SLC24A4: variants seen among roughly 807,000 people sequenced by gnomAD.
The protein encoded by SLC24A4 is solute carrier family 24 member 4.
In SLC24A4, 53 loss-of-function variants were observed where a neutral mutation model predicts 79.0. The ratio of observed to expected loss-of-function variants is 0.67; its 90% CI spans 0.54 to 0.84. The LOEUF is 0.84. SLC24A4 is among the 40% of genes least tolerant of loss of function. The pLI is 0.00. For synonymous variants in SLC24A4, 323 were observed against 323.8 expected, an observed-to-expected ratio of 1.00 and a Z score of 0.03; for missense variants, 731 against 822.0, an observed-to-expected ratio of 0.89 and a Z score of 1.35.
intron 2 of SLC24A4, among the ~76,000 whole-genome samples, chr14:92,431,319 G>T (rs1566761240): frequency 1.3e-5 from 2 of 152,186 alleles, no homozygotes; most frequent in African/African-American, 2.4e-5. Flanking sequence ...GAGGGAACAG[G>T]CCCCGAGGTG....
intron 2 of SLC24A4, among the ~76,000 whole-genome samples, chr14:92,374,212 T>G (rs1888369522): frequency 6.6e-6 from 1 of 152,210 alleles, no homozygotes; most frequent in Admixed American, 6.5e-5. Context: ...ATGATTTTTG[T>G]GACTGTTACC....
At chr14:92,373,209 C>CAT (rs1463037591) in intron 2 of SLC24A4, among the ~76,000 whole-genome samples, 776 of 24,210 alleles carry the variant, frequency 0.032, 8 homozygotes, top group African/African-American at 0.055. Context: ...CACACACACA[C>CAT]ACATATATAT....
intron 2 of SLC24A4, among the ~76,000 whole-genome samples, chr14:92,395,769 G>A (rs1595214549): frequency 6.6e-6 from 1 of 151,898 alleles, no homozygotes; most frequent in Non-Finnish European, 1.5e-5. Flanking sequence ...ATGCTTTAGG[G>A]GTGTATACCT....
At chr14:92,324,029 T>C (rs1378049322) in intron 1 of SLC24A4, 69 bp downstream of exon 1, 3 of 1,547,496 alleles carry the variant, frequency 1.9e-6, no homozygotes, top group Non-Finnish European at 2.6e-6. Flanking sequence ...TCGGGGCGGC[T>C]GCGAGATGTT....
chr14:92,484,154 C>A (rs973520572), intron 13 of SLC24A4: 1 of 985,294 alleles, frequency 1.0e-6, no homozygotes, highest in South Asian at 4.7e-5. Flanking sequence ...CTCTTCCCTC[C>A]CCCCAACCCA....
intron 12 of SLC24A4, among the ~76,000 whole-genome samples, chr14:92,478,702 C>T (rs575394613): frequency 6.8e-6 from 1 of 146,192 alleles, no homozygotes; most frequent in South Asian, 2.1e-4. Flanking sequence ...CTTATATTTT[C>T]ATATGAATTT....
At chr14:92,455,901 A>G (rs947498550) in intron 11 of SLC24A4, among the ~76,000 whole-genome samples, 1 of 152,160 alleles carries the variant, frequency 6.6e-6, no homozygotes, top group African/African-American at 2.4e-5. Flanking sequence ...GGGTTTCACC[A>G]TGTTGGCCAG....
In SLC24A4 at chr14:92,490,899, C is replaced by T. The variant is rs1170481785; in HGVS notation, c.1538-766C>T. Among the ~76,000 whole-genome samples, 1 of 152,226 alleles carries T rather than the reference C, an allele frequency of 6.6e-6. No individual in the cohort carries two copies. The highest frequency in any genetic ancestry group is 1.5e-5 in the Non-Finnish European group (1 of 68,040). ...CCAGAAGCCTGAAGGAGAGTCTGTC[C>T]CAGGCCCCTCTTGCCTCTCTGCCCT... On this transcript the variant is annotated intron_variant, in intron 14 of 16. Transcript: ENST00000532405. This position sits in a 1 kb window ranked among gnomAD's most constrained non-coding sequence, Gnocchi z 4.3.
chr14:92,493,260 T>G (rs1250673726), intron 16 of SLC24A4, among the ~76,000 whole-genome samples: 1 of 152,080 alleles, frequency 6.6e-6, no homozygotes, highest in Non-Finnish European at 1.5e-5. Flanking sequence ...CCTGAGTCAA[T>G]GCGGCTAGGA....
At chr14:92,419,158 A>G (rs926081852) in intron 2 of SLC24A4, among the ~76,000 whole-genome samples, 7 of 152,202 alleles carry the variant, frequency 4.6e-5, no homozygotes, top group Non-Finnish European at 1.0e-4. Flanking sequence ...GTTTGATTAA[A>G]TAACTGAGTA....
At chr14:92,351,236 G>GCGCGCGCACACACACACACACACACACA (rs112120101) in intron 2 of SLC24A4, among the ~76,000 whole-genome samples, 26 of 146,980 alleles carry the variant, frequency 1.8e-4, no homozygotes, top group South Asian at 8.7e-4. Flanking sequence ...ACACATACAC[G>GCGCGCGCACACACACACACACACACACA]CACACACACA....
At chr14:92,403,694 C>T (rs1205067751) in intron 2 of SLC24A4, among the ~76,000 whole-genome samples, 1 of 152,050 alleles carries the variant, frequency 6.6e-6, no homozygotes, top group East Asian at 1.9e-4. Flanking sequence ...TTGCCTTCCC[C>T]CCTTCTAGAT....
chr14:92,409,749 C>T (rs967617318), intron 2 of SLC24A4, among the ~76,000 whole-genome samples: 2 of 152,038 alleles, frequency 1.3e-5, no homozygotes, highest in African/African-American at 2.4e-5. Context: ...GTCTTTATTG[C>T]AGCGCTATTC....
intron 2 of SLC24A4, among the ~76,000 whole-genome samples, chr14:92,413,342 G>A (rs2141798688): frequency 6.6e-6 from 1 of 151,882 alleles, no homozygotes; most frequent in East Asian, 1.9e-4. Context: ...CCGCCCCCCT[G>A]CCTTAGCATC....
At chr14:92,474,764 T>TATATATAC (rs1894639123) in intron 12 of SLC24A4, among the ~76,000 whole-genome samples, 1 of 125,634 alleles carries the variant, frequency 8.0e-6, no homozygotes, top group Non-Finnish European at 1.7e-5. Context: ...TGTATATACG[T>TATATATAC]ATATATGTGT....
At chr14:92,460,813 G>A (rs899491848) in intron 12 of SLC24A4, among the ~76,000 whole-genome samples, 7 of 152,166 alleles carry the variant, frequency 4.6e-5, no homozygotes, top group South Asian at 2.1e-4. Context: ...CTCCCTCCTC[G>A]CTGACCCCAG....
chr14:92,360,592 C>G (rs558836890), intron 2 of SLC24A4, among the ~76,000 whole-genome samples: 2 of 152,250 alleles, frequency 1.3e-5, no homozygotes, highest in Admixed American at 1.3e-4. Context: ...TACATGTTGC[C>G]TGTATACATG....
At chr14:92,461,857 A>G (rs1893832098) in intron 12 of SLC24A4, among the ~76,000 whole-genome samples, 1 of 152,180 alleles carries the variant, frequency 6.6e-6, no homozygotes, top group Admixed American at 6.5e-5. Flanking sequence ...TCCACTTTAC[A>G]GAGAAGGAAG....
intron 2 of SLC24A4, among the ~76,000 whole-genome samples, chr14:92,405,376 G>A (rs4904892): frequency 0.3 from 44,852 of 151,912 alleles, 7,040 homozygotes; most frequent in Non-Finnish European, 0.35. Flanking sequence ...CCTGACTCTG[G>A]GTCATTAGGA....
Sources: gnomAD v4.1 joint callset for allele counts (sites outside exome capture counted in the v4.1 genomes callset) on GRCh38, gnomAD v4.1.1 for gene constraint, Gnocchi (gnomAD v3.1) non-coding constraint, MANE v1.5 for transcripts, NCBI Gene and HGNC (gene_info 2026-07-23, HGNC 2026-07-21) for gene names.